DGAT2L6: variants seen among roughly 807,000 people sequenced by gnomAD.
The protein encoded by DGAT2L6 is diacylglycerol O-acyltransferase 2 like 6, also known as diacylglycerol O-acyltransferase 2-like protein 6.
A neutral mutation model predicts 25.5 loss-of-function variants in DGAT2L6; 22 were observed. That is an observed-to-expected ratio of 0.86 (90% confidence interval 0.62 to 1.23). The LOEUF is 1.23. Among genes scored for constraint, DGAT2L6 ranks in the 50% most tolerant of loss-of-function variants. The pLI is 0.00. For missense variants in DGAT2L6, 287 were observed against 253.2 expected, an observed-to-expected ratio of 1.13 and a Z score of -0.91; for synonymous variants, 100 against 94.7, an observed-to-expected ratio of 1.06 and a Z score of -0.32.
rs776923999 is a variant in DGAT2L6 at position 70,201,533 on chromosome X, C to T, written c.473-357C>T. Among the ~76,000 whole-genome samples, 9 of 110,922 alleles carry T rather than the reference C, an allele frequency of 8.1e-5. No individual in the cohort carries two copies. In the Admixed American group the frequency reaches 8.6e-4, roughly 11 times the overall value. ...GGAGGAGAGAACTCTGGAGGATCTC[C>T]AGTGTTGTCAGGCTGGGCAGAGTGG... On this transcript the variant is annotated intron_variant, in intron 4 of 6. Coordinates refer to ENST00000333026, the MANE Select transcript of DGAT2L6 (RefSeq NM_198512.3).
chrX:70,177,772 C>A, intron 1 of DGAT2L6, 105 bp downstream of exon 1: 1 of 700,643 alleles, frequency 1.4e-6, no homozygotes. Context: ...TGATCTCCAC[C>A]CTCTGGGAAG....
At chrX:70,181,754 T>G (rs895619417) in intron 1 of DGAT2L6, among the ~76,000 whole-genome samples, 2 of 111,762 alleles carry the variant, frequency 1.8e-5, no homozygotes, top group African/African-American at 6.5e-5. Context: ...CATGACAAAG[T>G]GATATTAGGG....
rs372703550 is a variant in DGAT2L6 at position 70,177,557 on chromosome X, T to C, written c.-26T>C. 1 of 1,199,597 alleles carries C rather than the reference T, an allele frequency of 8.3e-7. No homozygotes were observed. The highest frequency in any genetic ancestry group is 2.2e-5 in the Admixed American group (1 of 45,611). ...GTTTTGACCTTCTGGTTAGGCTTCT[T>C]GCCACAACAGAACAGCACCATAACC... On this transcript the variant is annotated 5_prime_UTR_variant, in exon 1 of 7. Transcript: ENST00000333026.
chrX:70,202,295 A>C (rs2085413333), intron 5 of DGAT2L6, among the ~76,000 whole-genome samples: 1 of 112,101 alleles, frequency 8.9e-6, no homozygotes, highest in South Asian at 3.7e-4. Flanking sequence ...AAAACCTTTT[A>C]CTTTCTGCCC....
At position 70,204,292 on chromosome X, in the gene DGAT2L6, CCT is replaced by C. The variant is rs756145952; in HGVS notation, c.648-8_648-7del. 1 of 1,186,222 alleles carries C rather than the reference CCT, an allele frequency of 8.4e-7. No homozygotes were observed. The highest frequency in any genetic ancestry group is 2.3e-5 in the Admixed American group (1 of 43,434). ...TCCTCAGAGAGCTCACACTCCTGCC[CCT>C]CTCTTTGCAGGGCATACCTTGTCCC... On this transcript the variant is annotated splice_polypyrimidine_tract_variant and intron_variant, in intron 5 of 6. Transcript: ENST00000333026.
At chrX:70,177,755 A>T in intron 1 of DGAT2L6, 88 bp downstream of exon 1, 1 of 782,137 alleles carries the variant, frequency 1.3e-6, no homozygotes, top group Non-Finnish European at 1.9e-6. Context: ...CAAAGAGATC[A>T]TCTGGGTGAT....
In DGAT2L6 at chrX:70,189,069, T is replaced by A. The variant is rs186098539; in HGVS notation, c.86-10202T>A. Among the ~76,000 whole-genome samples the A allele has an allele frequency of 2.8e-4, 30 of 108,375 alleles. No individual in the cohort carries two copies. The East Asian group carries it at 7.7e-3, about 28-fold the overall frequency. The allele number at this position is 108,375 out of a possible 115,157, so 94.1% of individuals were successfully genotyped here. ...CCTAAGATTAGAAACAAAGCAAGGA[T>A]GTCCACTCTCACCACTTGTATTCAA... On this transcript the variant is annotated intron_variant, in intron 1 of 6. Transcript: ENST00000333026.
intron 1 of DGAT2L6, among the ~76,000 whole-genome samples, chrX:70,190,627 C>T (rs1248160302): frequency 2.7e-5 from 3 of 112,132 alleles, no homozygotes; most frequent in Non-Finnish European, 3.8e-5. Flanking sequence ...ACAGGACTGC[C>T]AATCTTGGTC....
chrX:70,186,068 T>G (rs1206845650), intron 1 of DGAT2L6, among the ~76,000 whole-genome samples: 1 of 111,929 alleles, frequency 8.9e-6, no homozygotes, highest in East Asian at 2.8e-4. Context: ...GCACACCTTA[T>G]AACTTCAGAT....
At chrX:70,177,814 C>T (rs1184391651) in intron 1 of DGAT2L6, 147 bp downstream of exon 1, 1 of 469,125 alleles carries the variant, frequency 2.1e-6, no homozygotes, top group South Asian at 3.5e-5. Context: ...AGGAGTGAGG[C>T]TGCAGCTGTT....
intron 1 of DGAT2L6, among the ~76,000 whole-genome samples, chrX:70,194,454 A>G (rs1368958544): frequency 1.8e-5 from 2 of 112,166 alleles, no homozygotes; most frequent in Non-Finnish European, 3.8e-5. Context: ...GAGAAAGAAA[A>G]ACAAAGCTAG....
chrX:70,204,406 A>G lies in DGAT2L6; in HGVS notation c.749A>G (p.Gln250Arg), dbSNP rs757376304. The G allele has an allele frequency of 2.5e-6, 3 of 1,211,789 alleles. No homozygotes were observed. The South Asian group carries it at 5.3e-5, about 21-fold the overall frequency. ...TWLRLFQKTF[Q>R]DTFKKILGLN... Reference sequence around the variant, plus strand: ...TTAAGGTTGTTCCAAAAAACCTTCCAGGACACATTCAAAAAAATCCTGGGA... The same window carrying G: ...TTAAGGTTGTTCCAAAAAACCTTCCGGGACACATTCAAAAAAATCCTGGGA... The change falls in exon 6 of 7, where the codon CAG (glutamine) becomes CGG (arginine). Residue 250 changes from glutamine to arginine, a missense_variant. Coordinates refer to ENST00000333026, the MANE Select transcript of DGAT2L6 (RefSeq NM_198512.3).
Position 70,201,883 on chromosome X carries a change from T to G in DGAT2L6, c.473-7T>G. The stretch of plus-strand genomic sequence containing the variant: ...TTTTTCTACCACTTGACTCTTTGGT[T>G]TCACAGGTGTGTGCCCTGTGAGTAG... On this transcript the variant is annotated splice_region_variant and splice_polypyrimidine_tract_variant and intron_variant, in intron 4 of 6. Coordinates refer to ENST00000333026, the MANE Select transcript of DGAT2L6 (RefSeq NM_198512.3). 8.6e-7 allele frequency: 1 copy of G among 1,159,950 alleles called. No homozygotes were observed.
At chrX:70,185,199 C>T (rs1186115648) in intron 1 of DGAT2L6, among the ~76,000 whole-genome samples, 1 of 111,191 alleles carries the variant, frequency 9.0e-6, no homozygotes, top group Non-Finnish European at 1.9e-5. Flanking sequence ...AGGCCTTGGA[C>T]TCTCCCATCT....
chrX:70,201,910 T>C lies in DGAT2L6; in HGVS notation c.493T>C (p.Ser165Pro). ...MSMGVCPVSSSALKYLLTQKG... is the reference protein window; with the variant it reads ...MSMGVCPVSSPALKYLLTQKG... ...CACAGGTGTGTGCCCTGTGAGTAGC[T>C]CAGCCTTGAAGTACTTGCTGACCCA... Residue 165 changes from serine (S) to proline (P), a missense_variant, in exon 5 of 7, where the codon TCA becomes CCA. Physicochemically the swap from Ser to Pro is moderately conservative, Grantham distance 74. Transcript: ENST00000333026. 1 of 1,196,078 alleles carries C rather than the reference T, an allele frequency of 8.4e-7. No homozygotes were observed. The highest frequency in any genetic ancestry group is 1.8e-5 in the African/African-American group (1 of 57,044).
chrX:70,200,316 G>T lies in DGAT2L6; in HGVS notation c.329G>T (p.Gly110Val). Reference sequence around the variant, plus strand: ...TACATCATTGCCAATCACCCCCATGGCATTCTCTCTTTTGGTGTCTTCATC... The same window carrying T: ...TACATCATTGCCAATCACCCCCATGTCATTCTCTCTTTTGGTGTCTTCATC... The part of the protein sequence containing the change: ...HNYIIANHPH[G>V]ILSFGVFINF... The change falls in exon 4 of 7, where the codon GGC becomes GTC. Residue 110 changes from glycine (G) to valine (V), a missense_variant. Physicochemically the swap from Gly to Val is moderately radical, Grantham distance 109 (BLOSUM62 -3). Coordinates refer to ENST00000333026, the MANE Select transcript of DGAT2L6 (RefSeq NM_198512.3). The T allele has an allele frequency of 1.7e-6, 2 of 1,211,203 alleles. No homozygotes were observed. Among genetic ancestry groups the T allele is most frequent in the Non-Finnish European group, 2.2e-6 (2 of 895,299 alleles).
At chrX:70,196,930 A>C (rs1200779389) in intron 1 of DGAT2L6, among the ~76,000 whole-genome samples, 2 of 112,553 alleles carry the variant, frequency 1.8e-5, no homozygotes, top group Non-Finnish European at 3.8e-5. Context: ...GAGAAATGCA[A>C]GTTAAAATTA....
intron 1 of DGAT2L6, among the ~76,000 whole-genome samples, chrX:70,198,950 G>A (rs966864942): frequency 2.7e-5 from 3 of 112,196 alleles, no homozygotes; most frequent in African/African-American, 9.7e-5. Context: ...TCCCAGAATG[G>A]GGATTCAGCT....
intron 1 of DGAT2L6, 65 bp downstream of exon 1, chrX:70,177,732 A>G (rs2085331476): frequency 5.1e-6 from 5 of 980,324 alleles, no homozygotes; most frequent in Admixed American, 4.5e-5. Context: ...CAATCTCCAG[A>G]TGAGGAGGGT....
Sources: allele counts gnomAD v4.1 joint callset (sites outside exome capture counted in the v4.1 genomes callset), GRCh38; gene constraint gnomAD v4.1.1; transcripts MANE v1.5; gene names NCBI Gene and HGNC (gene_info 2026-07-23, HGNC 2026-07-21).